Variants in NBEAL2 observed in about 807,000 individuals in gnomAD.
NBEAL2 encodes the protein neurobeachin like 2, also known as neurobeachin-like protein 2.
Under a neutral mutation model 299.8 loss-of-function variants are expected in NBEAL2, and 160 were observed. The ratio of observed to expected loss-of-function variants is 0.53; its 90% confidence interval spans 0.47 to 0.61. The LOEUF (loss-of-function observed/expected upper bound fraction) is 0.61, where lower values mean the gene tolerates loss of function less well. NBEAL2 is among the 20% of genes least tolerant of loss of function. The probability of loss-of-function intolerance (pLI) is 0.00; values close to 1 mark genes in which losing one functional copy is unlikely to be tolerated. For synonymous variants in NBEAL2, 1,493 were observed against 1,542.3 expected, an observed-to-expected ratio of 0.97 and a Z score of 0.75; for missense variants, 3,112 against 3,649.0, an observed-to-expected ratio of 0.85 and a Z score of 3.79.
chr3:46,990,365 C>T (rs1221946121), intron 6 of NBEAL2, among the ~76,000 whole-genome samples: 1 of 152,212 alleles, frequency 6.6e-6, no homozygotes, highest in Non-Finnish European at 1.5e-5. Flanking sequence ...CCCTTGATGT[C>T]AACCTGACGT....
rs2036988269 is a variant in NBEAL2, at chr3:47,001,505, G to T, written c.4644+67G>T. 6.4e-7 allele frequency: 1 copy of T among 1,573,248 alleles called. No individual in the cohort carries two copies. On this transcript the variant is annotated intron_variant, in intron 29 of 53. Transcript: ENST00000450053. This position sits in a 1 kb window ranked among gnomAD's most constrained non-coding sequence, Gnocchi z 6.1. ...GTTCATGCAAGCCTGCAGGGATCTG[G>T]TCTGGGAGGTGGATGGGTACACGTG...
rs377025153 is a variant in NBEAL2, at chr3:46,996,003, C to G, written c.2103C>G (p.Asp701Glu). The G allele has an allele frequency of 1.2e-6, 2 of 1,612,576 alleles. No homozygotes were observed. The highest frequency in any genetic ancestry group is 1.7e-6 in the Non-Finnish European group (2 of 1,179,562). ...AGAACCTGGTCCATGTCTACAAAGACGGCCATCTGGTCAAGACAGCACCCC... is the reference window on the plus strand; with the variant it reads ...AGAACCTGGTCCATGTCTACAAAGAGGGCCATCTGGTCAAGACAGCACCCC... ...FSQNLVHVYKDGHLVKTAPLR... is the reference protein window; with the variant it reads ...FSQNLVHVYKEGHLVKTAPLR... Residue 701 changes from aspartate to glutamate, a missense_variant, in exon 15 of 54, where the codon GAC becomes GAG. Transcript: ENST00000450053.
Position 47,000,839 on chromosome 3 carries a change from A to T in NBEAL2, c.4306-162A>T. On this transcript the variant is annotated intron_variant, in intron 27 of 53. Coordinates refer to ENST00000450053, the MANE Select transcript of NBEAL2 (RefSeq NM_015175.3). The surrounding 1 kb of genome is among the most constrained non-coding windows in gnomAD (Gnocchi z 4.5). ...AGGTAGTAGTTGAGACCCCTATACC[A>T]TTCTTCCAGGCCCTTAGTGCCAGGC... The T allele has an allele frequency of 9.3e-7, 1 of 1,081,016 alleles. No individual in the cohort carries two copies. The highest frequency in any genetic ancestry group is 1.6e-5 in the South Asian group (1 of 63,438). 67.0% of individuals were successfully genotyped at this position (1,081,016 alleles called of 1,614,324 possible).
rs1469034054 is a variant in NBEAL2, at chr3:46,998,526, G to A, written c.3182G>A (p.Gly1061Asp). The A allele has an allele frequency of 1.9e-6, 3 of 1,613,046 alleles. No individual in the cohort carries two copies. Among genetic ancestry groups the A allele is most frequent in the East Asian group, 2.2e-5 (1 of 44,878 alleles). The change falls in exon 22 of 54, where the codon GGC (glycine) becomes GAC (aspartate). Residue 1061 changes from glycine to aspartate, a missense_variant. Gly to Asp is a moderately conservative substitution (Grantham distance 94). Around this residue, in one of 3 missense-constraint regions of NBEAL2, gnomAD observed 2,243 missense variants for 2,538.1 expected, o/e 0.88. Transcript: ENST00000450053. ...EHRQKLRKKYGVQFILDALRT... is the reference protein window; with the variant it reads ...EHRQKLRKKYDVQFILDALRT... ...AGACAGAAGCTGCGGAAGAAGTACG[G>A]CGTCCAGTTTATCTTGGATGCTCTG...
chr3:46,993,871 T>C (rs994446840), intron 10 of NBEAL2, 66 bp from the exon 11 acceptor site: 2 of 1,433,868 alleles, frequency 1.4e-6, no homozygotes, highest in Admixed American at 3.9e-5. Context: ...CCTTTTTTAC[T>C]GCAGGGGGCT....
chr3:46,998,548 T>C lies in NBEAL2; in HGVS notation c.3204T>C (p.Ala1068=). The change falls in exon 22 of 54, where the codon GCT becomes GCC. Residue 1068 remains alanine (A), a synonymous_variant. Coordinates refer to ENST00000450053, the MANE Select transcript of NBEAL2 (RefSeq NM_015175.3). ...ACGGCGTCCAGTTTATCTTGGATGC[T>C]CTGCGCACCCACTACAGGTGAGGCC... ...KKYGVQFILD[A]LRTHYSPQRE... 6.2e-7 allele frequency: 1 copy of C among 1,611,640 alleles called. No homozygotes were observed. Among genetic ancestry groups the C allele is most frequent in the South Asian group, 1.1e-5 (1 of 90,558 alleles).
Position 47,003,215 on chromosome 3 carries a change from C to G in NBEAL2, c.5626C>G (p.Leu1876Val), listed in dbSNP as rs2037168334. The G allele has an allele frequency of 3.7e-6, 6 of 1,613,060 alleles. No individual in the cohort carries two copies. The highest frequency in any genetic ancestry group is 5.1e-6 in the Non-Finnish European group (6 of 1,179,774). ...ACCCACCGAGGAGGCCTCACTGCCTCTGGCAGTGACCAAAGAGGCCAAAGT... is the reference window on the plus strand; with the variant it reads ...ACCCACCGAGGAGGCCTCACTGCCTGTGGCAGTGACCAAAGAGGCCAAAGT... Reference protein sequence around the residue: ...LTPTEEASLPLAVTKEAKVST... With the variant: ...LTPTEEASLPVAVTKEAKVST... Residue 1876 changes from leucine (L) to valine (V), a missense_variant, in exon 35 of 54, where the codon CTG becomes GTG. Leu to Val is a conservative substitution (Grantham distance 32). Around this residue, in one of 3 missense-constraint regions of NBEAL2, gnomAD observed 2,243 missense variants for 2,538.1 expected, o/e 0.88. Coordinates refer to ENST00000450053, the MANE Select transcript of NBEAL2 (RefSeq NM_015175.3). The surrounding 1 kb of genome is among the most constrained non-coding windows in gnomAD (Gnocchi z 7.0).
At position 47,007,334 on chromosome 3, in the gene NBEAL2, A is replaced by G. The variant is rs765661704; in HGVS notation, c.7318A>G (p.Thr2440Ala). 8.2e-5 allele frequency: 131 copies of G among 1,606,532 alleles called. No individual in the cohort carries two copies. The highest frequency in any genetic ancestry group is 1.0e-4 in the Non-Finnish European group (119 of 1,176,796). Residue 2440 changes from threonine (T) to alanine (A), a missense_variant, in exon 47 of 54, where the codon ACC becomes GCC. This residue lies in a region of NBEAL2 where 521 missense variants were observed against 729.6 expected (regional missense o/e 0.71). Transcript: ENST00000450053. ...SNYFSFSKDP[T>A]MGSHKTQRLL... ...CTACTTCAGCTTCAGCAAAGACCCC[A>G]CCATGGGCAGCCACAAGTAGGACAG...
intron 1 of NBEAL2, among the ~76,000 whole-genome samples, chr3:46,987,130 T>C (rs188146016): frequency 1.3e-5 from 2 of 152,302 alleles, no homozygotes; most frequent in Admixed American, 6.5e-5. Flanking sequence ...CTGCCTAGGT[T>C]TTTTGGGGAT....
rs528499524 is a variant in NBEAL2, at chr3:46,999,321, C to A, written c.3550C>A (p.Arg1184Ser). The A allele has an allele frequency of 1.6e-5, 25 of 1,608,890 alleles. No homozygotes were observed. In the South Asian group the frequency reaches 2.5e-4, roughly 16 times the overall value. The change falls in exon 25 of 54, where the codon CGC becomes AGC. Residue 1184 changes from arginine to serine, a missense_variant. Physicochemically the swap from Arg to Ser is moderately radical, Grantham distance 110. Coordinates refer to ENST00000450053, the MANE Select transcript of NBEAL2 (RefSeq NM_015175.3). ...LLPDRVCKIL[R>S]RLQQNERLPE... ...TCCGATGACCCCCACACAGATCCTG[C>A]GCAGACTGCAGCAGAATGAGCGGCT...
In NBEAL2 at chr3:46,998,456, C is replaced by T. The variant is rs370684446; in HGVS notation, c.3119-7C>T. Reference sequence around the variant, plus strand: ...GTGGCCTGAGCCCTCTGCTCATTCCCGCTCAGGTCACATCCAGTACATGTC... The same window carrying T: ...GTGGCCTGAGCCCTCTGCTCATTCCTGCTCAGGTCACATCCAGTACATGTC... On this transcript the variant is annotated splice_region_variant and splice_polypyrimidine_tract_variant and intron_variant, in intron 21 of 53. Transcript: ENST00000450053. The T allele has an allele frequency of 5.2e-5, 83 of 1,610,094 alleles. No homozygotes were observed. The highest frequency in any genetic ancestry group is 4.7e-4 in the East Asian group (21 of 44,728).
rs773359390 is a variant in NBEAL2, at chr3:46,996,054, G to A, written c.2151+3G>A. On this transcript the variant is annotated splice_donor_region_variant and intron_variant, in intron 15 of 53. Transcript: ENST00000450053. ...TTCGCTGCCCCTCCCTCAGTGAGGT[G>A]TGCCAAGCAAGGTTTGGGGAGGCCT... 6.2e-7 allele frequency: 1 copy of A among 1,600,594 alleles called. No homozygotes were observed. The highest frequency in any genetic ancestry group is 8.5e-7 in the Non-Finnish European group (1 of 1,173,756).
chr3:46,994,296 C>T (rs1443099501), intron 11 of NBEAL2, among the ~76,000 whole-genome samples, 159 bp from the exon 12 acceptor site: 1 of 152,186 alleles, frequency 6.6e-6, no homozygotes, highest in South Asian at 2.1e-4. Context: ...ACGTCCCCCC[C>T]ATCCCTCTGC....
chr3:47,008,455 G>A lies in NBEAL2; in HGVS notation c.7878+14G>A. ...CCTGGGGCCCAGGTATGGGGAAGGG[G>A]TGCCCAGCAAAGATGGAGGGGCAGT... On this transcript the variant is annotated intron_variant, in intron 51 of 53. Coordinates refer to ENST00000450053, the MANE Select transcript of NBEAL2 (RefSeq NM_015175.3). 2 of 1,610,578 alleles carry A rather than the reference G, an allele frequency of 1.2e-6. No individual in the cohort carries two copies. Among genetic ancestry groups the A allele is most frequent in the Non-Finnish European group, 1.7e-6 (2 of 1,177,218 alleles).
In NBEAL2 at chr3:47,007,245, C is replaced by T; in HGVS notation, c.7229C>T (p.Thr2410Ile). The change falls in exon 47 of 54, where the codon ACT becomes ATT. Residue 2410 changes from threonine to isoleucine, a missense_variant. Physicochemically the swap from Thr to Ile is moderately conservative, Grantham distance 89. Coordinates refer to ENST00000450053, the MANE Select transcript of NBEAL2 (RefSeq NM_015175.3). ...ITQGSPDLLV[T>I]VSASGLLGTH... ...TCTGCCCCCTCCTGCCTGCAGGTGA[C>T]TGTGAGTGCCAGTGGGCTGCTGGGC... The T allele has an allele frequency of 1.2e-6, 2 of 1,612,034 alleles. No homozygotes were observed. Among genetic ancestry groups the T allele is most frequent in the Non-Finnish European group, 1.7e-6 (2 of 1,179,020 alleles).
chr3:47,001,890 G>A lies in NBEAL2; in HGVS notation c.4783-30G>A. The A allele has an allele frequency of 3.1e-6, 5 of 1,606,902 alleles. No individual in the cohort carries two copies. The highest frequency in any genetic ancestry group is 1.3e-5 in the African/African-American group (1 of 74,968). Reference sequence around the variant, plus strand: ...GATGTCGGGAGCTCCAAGAGTGGCTGGGTGCCACTCATCTCTCTTGCGCCC... The same window carrying A: ...GATGTCGGGAGCTCCAAGAGTGGCTAGGTGCCACTCATCTCTCTTGCGCCC... On this transcript the variant is annotated intron_variant, in intron 30 of 53. Coordinates refer to ENST00000450053, the MANE Select transcript of NBEAL2 (RefSeq NM_015175.3). The surrounding 1 kb of genome is among the most constrained non-coding windows in gnomAD (Gnocchi z 6.1).
chr3:46,988,408 G>A lies in NBEAL2; in HGVS notation c.52-261G>A, dbSNP rs60811415. Among the ~76,000 whole-genome samples the A allele has an allele frequency of 0.068, 10,276 of 152,172 alleles. 1,138 individuals carry two copies. The highest frequency in any genetic ancestry group is 0.23 in the African/African-American group (9,575 of 41,450). ...CATTAGGGAGGTGGGAGCAGAAACT[G>A]GGAGGCTGAGAGAAGCAGTGGGGTG... is the stretch of plus-strand genomic sequence containing the variant. On this transcript the variant is annotated intron_variant, in intron 1 of 53. Transcript: ENST00000450053. The surrounding 1 kb of genome is among the most constrained non-coding windows in gnomAD (Gnocchi z 4.4).
chr3:47,005,900 G>A (rs777916503), intron 42 of NBEAL2, 46 bp from the exon 43 acceptor site: 1 of 1,611,766 alleles, frequency 6.2e-7, no homozygotes, highest in South Asian at 1.1e-5. Flanking sequence ...TGAAGATCAT[G>A]GGGGGTCAGC....
At position 47,000,010 on chromosome 3, in the gene NBEAL2, C is replaced by T. The variant is rs765451879; in HGVS notation, c.3911C>T (p.Pro1304Leu). 2.7e-5 allele frequency: 43 copies of T among 1,612,406 alleles called. No homozygotes were observed. The highest frequency in any genetic ancestry group is 6.7e-5 in the East Asian group (3 of 44,886). ...LEAATAGSPP[P>L]SSPESPTSPK... Reference sequence around the variant, plus strand: ...GCTGCCACAGCCGGCAGCCCCCCTCCGTCTTCCCCAGAGTCACCTACCTCC... The same window carrying T: ...GCTGCCACAGCCGGCAGCCCCCCTCTGTCTTCCCCAGAGTCACCTACCTCC... Residue 1304 changes from proline (P) to leucine (L), a missense_variant, in exon 27 of 54, where the codon CCG becomes CTG. By Grantham distance (98) the Pro-to-Leu change is moderately conservative. Transcript: ENST00000450053. The surrounding 1 kb of genome is among the most constrained non-coding windows in gnomAD (Gnocchi z 4.5).
Sources: allele counts gnomAD v4.1 joint callset (sites outside exome capture counted in the v4.1 genomes callset), GRCh38; gene constraint gnomAD v4.1.1; regional missense constraint gnomAD v4.1.1; non-coding constraint Gnocchi (gnomAD v3.1); transcripts MANE v1.5; gene names NCBI Gene and HGNC (gene_info 2026-07-23, HGNC 2026-07-21).